SNRPE: variants seen among roughly 807,000 people sequenced by gnomAD.
SNRPE encodes the protein small nuclear ribonucleoprotein E.
For synonymous variants in SNRPE, 35 were observed against 36.7 expected (o/e 0.95, Z 0.17); for missense variants, 53 against 111.6 (o/e 0.48, Z 2.36).
rs762322031 is a variant in SNRPE at position 203,863,740 on chromosome 1, G to A, written c.144+15G>A. On this transcript the variant is annotated intron_variant, in intron 3 of 4. Transcript: ENST00000414487. ...GCTGTATCATTGTGAGTATCCAGGC[G>A]ATTTCATCTCATAGCAGTTCGGTCG... 1.4e-5 allele frequency: 21 copies of A among 1,543,738 alleles called. No individual in the cohort carries two copies. In the South Asian group the frequency reaches 2.0e-4, roughly 15 times the overall value.
At chr1:203,862,847 T>A (rs1558156126) in intron 2 of SNRPE, among the ~76,000 whole-genome samples, 1 of 152,134 alleles carries the variant, frequency 6.6e-6, no homozygotes, top group South Asian at 2.1e-4. Flanking sequence ...ATGAGAAGGC[T>A]TTGTTTTGGA....
chr1:203,866,415 T>G (rs1480956234), intron 4 of SNRPE, among the ~76,000 whole-genome samples: 1 of 152,234 alleles, frequency 6.6e-6, no homozygotes, highest in East Asian at 1.9e-4. Flanking sequence ...TTCAGTATTG[T>G]CTGCCTAGGC....
chr1:203,862,102 A>G, intron 1 of SNRPE, 94 bp from the exon 2 acceptor site: 1 of 1,019,760 alleles, frequency 9.8e-7, no homozygotes, highest in Non-Finnish European at 1.6e-6. Context: ...CGCGTTTAGT[A>G]AACAAAGGTG....
At chr1:203,863,578 G>A (rs1249984347) in intron 2 of SNRPE, 85 bp from the exon 3 acceptor site, 14 of 901,758 alleles carry the variant, frequency 1.6e-5, no homozygotes, top group South Asian at 2.7e-5. Context: ...CTCGGCCTCC[G>A]AAAGTGCTGG....
chr1:203,864,615 G>A (rs974982900), intron 3 of SNRPE, among the ~76,000 whole-genome samples: 3 of 152,066 alleles, frequency 2.0e-5, no homozygotes, highest in African/African-American at 2.4e-5. Context: ...GGTGGCTCAC[G>A]CCTGTAATCC....
At chr1:203,862,270 C>T (rs747104454) in intron 2 of SNRPE, 48 bp downstream of exon 2, 3 of 1,364,358 alleles carry the variant, frequency 2.2e-6, no homozygotes, top group Admixed American at 3.4e-5. Flanking sequence ...AAGAGGTGAA[C>T]TGATTTAGTT....
At chr1:203,863,536 G>C in intron 2 of SNRPE, 127 bp from the exon 3 acceptor site, 1 of 690,160 alleles carries the variant, frequency 1.4e-6, no homozygotes, top group Non-Finnish European at 2.6e-6. Context: ...AACGAGGATG[G>C]TCTCTATCTC....
chr1:203,862,581 G>A (rs768463244), intron 2 of SNRPE, among the ~76,000 whole-genome samples: 3 of 152,152 alleles, frequency 2.0e-5, no homozygotes, highest in Non-Finnish European at 4.4e-5. Flanking sequence ...TGAAACATTG[G>A]AAGAAAAACC....
At chr1:203,869,326 A>G (rs1369813765) in intron 4 of SNRPE, among the ~76,000 whole-genome samples, 22 of 39,140 alleles carry the variant, frequency 5.6e-4, no homozygotes, top group South Asian at 8.9e-4. Flanking sequence ...TTTTTTTTGG[A>G]GATGAATTTT....
At chr1:203,862,293 C>G in intron 2 of SNRPE, 71 bp downstream of exon 2, 1 of 1,054,584 alleles carries the variant, frequency 9.5e-7, no homozygotes, top group South Asian at 1.3e-5. Flanking sequence ...TTGTGTTAAC[C>G]TGAGCGATCG....
intron 4 of SNRPE, among the ~76,000 whole-genome samples, chr1:203,868,214 C>T (rs1022526724): frequency 6.6e-6 from 1 of 152,054 alleles, no homozygotes. Flanking sequence ...TACCACCACG[C>T]CTGGCTGATT....
rs1343825995 is a variant in SNRPE, at chr1:203,863,700, A to G, written c.119A>G (p.Asn40Ser). The G allele has an allele frequency of 2.1e-5, 34 of 1,607,628 alleles. No homozygotes were observed. The highest frequency in any genetic ancestry group is 2.8e-5 in the Non-Finnish European group (33 of 1,174,276). The stretch of plus-strand genomic sequence containing the variant: ...CAGGTGTGGCTCTATGAGCAAGTGA[A>G]TATGCGGATAGAAGGCTGTATCATT... Reference protein sequence around the residue: ...RIQVWLYEQVNMRIEGCIIGF... With the variant: ...RIQVWLYEQVSMRIEGCIIGF... The change falls in exon 3 of 5, where the codon AAT (asparagine) becomes AGT (serine). Residue 40 changes from asparagine to serine, a missense_variant. By Grantham distance (46) the Asn-to-Ser change is conservative. Transcript: ENST00000414487.
chr1:203,868,951 G>A (rs972659194), intron 4 of SNRPE, among the ~76,000 whole-genome samples: 5 of 152,224 alleles, frequency 3.3e-5, no homozygotes, highest in Non-Finnish European at 5.9e-5. Flanking sequence ...TTATAGGTGT[G>A]AGCCACCATA....
rs1690178610 is a variant in SNRPE at position 203,869,859 on chromosome 1, G to T, written c.224-18G>T. ...AGTGTGTGGCTATTAATAGCTTTTT[G>T]TTGTTTTTGTGTTGCAGGTCGGATC... On this transcript the variant is annotated intron_variant, in intron 4 of 4. Transcript: ENST00000414487. The T allele has an allele frequency of 6.3e-7, 1 of 1,589,742 alleles. No individual in the cohort carries two copies. Among genetic ancestry groups the T allele is most frequent in the South Asian group, 1.1e-5 (1 of 87,746 alleles).
intron 2 of SNRPE, among the ~76,000 whole-genome samples, chr1:203,863,288 T>C (rs1337836884): frequency 1.3e-5 from 2 of 152,014 alleles, no homozygotes; most frequent in Non-Finnish European, 2.9e-5. Context: ...TCCCAAAGTA[T>C]GGGAACGGTG....
At chr1:203,864,325 A>G (rs931978956) in intron 3 of SNRPE, among the ~76,000 whole-genome samples, 10 of 152,152 alleles carry the variant, frequency 6.6e-5, no homozygotes, top group African/African-American at 2.4e-4. Flanking sequence ...AGGGGGGACA[A>G]AATAAATGAA....
intron 3 of SNRPE, 138 bp downstream of exon 3, chr1:203,863,863 T>G: frequency 1.6e-6 from 1 of 617,960 alleles, no homozygotes; most frequent in Admixed American, 2.7e-5. Flanking sequence ...TGTTTAGCCT[T>G]TTTTCATTGT....
At chr1:203,863,861 CT>C (rs1316982941) in intron 3 of SNRPE, 136 bp downstream of exon 3, 3 of 619,076 alleles carry the variant, frequency 4.8e-6, no homozygotes, top group South Asian at 2.3e-5. Context: ...GCTGTTTAGC[CT>C]TTTTTCATTG....
chr1:203,863,536 G>T (rs751761633), intron 2 of SNRPE, 127 bp from the exon 3 acceptor site: 61 of 690,042 alleles, frequency 8.8e-5, no homozygotes, highest in Admixed American at 2.9e-4. Flanking sequence ...AACGAGGATG[G>T]TCTCTATCTC....
Sources: gnomAD v4.1 joint callset for allele counts (sites outside exome capture counted in the v4.1 genomes callset) on GRCh38, gnomAD v4.1.1 for gene constraint, MANE v1.5 for transcripts, NCBI Gene and HGNC (gene_info 2026-07-23, HGNC 2026-07-21) for gene names.